Variants in RAB11FIP4 observed in about 807,000 individuals in gnomAD.
RAB11FIP4 encodes rab11 family-interacting protein 4.
In RAB11FIP4, 23 loss-of-function variants were observed where a neutral mutation model predicts 74.3. That is an observed-to-expected ratio of 0.31 (90% confidence interval 0.22 to 0.44). RAB11FIP4 has a LOEUF of 0.44. Among genes scored for constraint, RAB11FIP4 ranks in the 20% least tolerant of loss-of-function variants. The pLI, the probability that RAB11FIP4 is intolerant of heterozygous loss-of-function variation, is 1.00. For synonymous variants in RAB11FIP4, 360 were observed against 359.9 expected, an observed-to-expected ratio of 1.00 and a Z score of 0.00; for missense variants, 630 against 863.9, an observed-to-expected ratio of 0.73 and a Z score of 3.39.
chr17:31,503,606 C>G (rs2072261554), intron 3 of RAB11FIP4, among the ~76,000 whole-genome samples: 1 of 149,680 alleles, frequency 6.7e-6, no homozygotes, highest in Admixed American at 6.6e-5. Flanking sequence ...TATTTGGAAA[C>G]ATTTCTAGGA....
At chr17:31,481,892 G>A (rs755742725) in intron 3 of RAB11FIP4, among the ~76,000 whole-genome samples, 13 of 152,132 alleles carry the variant, frequency 8.5e-5, no homozygotes, top group African/African-American at 1.2e-4. Flanking sequence ...GTCCCACCCC[G>A]TCTGCACAGC....
At chr17:31,399,283 ATG>A (rs1307443995) in intron 1 of RAB11FIP4, among the ~76,000 whole-genome samples, 3 of 152,350 alleles carry the variant, frequency 2.0e-5, no homozygotes, top group African/African-American at 7.2e-5. Context: ...TGGCCTGGAA[ATG>A]GCATATGGCT....
chr17:31,413,864 A>G (rs571011366), intron 1 of RAB11FIP4, among the ~76,000 whole-genome samples: 25 of 152,322 alleles, frequency 1.6e-4, no homozygotes, highest in African/African-American at 6.0e-4. Flanking sequence ...TTTTTCCCCG[A>G]AGTTTAAAAA....
chr17:31,496,544 C>G (rs932497183), intron 3 of RAB11FIP4, among the ~76,000 whole-genome samples: 1 of 152,234 alleles, frequency 6.6e-6, no homozygotes, highest in African/African-American at 2.4e-5. Context: ...CCTCGTCCTT[C>G]TCCCCCTTTG....
intron 1 of RAB11FIP4, among the ~76,000 whole-genome samples, chr17:31,404,647 A>AT (rs1293488565): frequency 1.3e-5 from 2 of 152,050 alleles, no homozygotes; most frequent in Non-Finnish European, 2.9e-5. Flanking sequence ...TCTTTTACAG[A>AT]TTTTTTGAGG....
chr17:31,441,241 G>A (rs2071404829), intron 3 of RAB11FIP4, among the ~76,000 whole-genome samples: 1 of 152,092 alleles, frequency 6.6e-6, no homozygotes, highest in Non-Finnish European at 1.5e-5. Context: ...GGCCAGGCTG[G>A]TCTCAAACTC....
At chr17:31,517,144 G>GT (rs1489684745) in intron 3 of RAB11FIP4, among the ~76,000 whole-genome samples, 2 of 141,864 alleles carry the variant, frequency 1.4e-5, no homozygotes, top group Non-Finnish European at 3.1e-5. Flanking sequence ...GATACTCTCA[G>GT]TTTTTCATCT....
intron 1 of RAB11FIP4, among the ~76,000 whole-genome samples, chr17:31,409,801 A>G (rs1300327294): frequency 1.3e-5 from 2 of 152,178 alleles, no homozygotes; most frequent in Non-Finnish European, 1.5e-5. Context: ...GGGTGAGTAA[A>G]CAAATAGAGT....
chr17:31,426,599 CTTTTTTTTTTT>C (rs59839758), intron 1 of RAB11FIP4, among the ~76,000 whole-genome samples: 1 of 122,062 alleles, frequency 8.2e-6, no homozygotes, highest in Non-Finnish European at 1.6e-5. Flanking sequence ...TTTTCTTTTC[CTTTTTTTTTTT>C]TTTTTGAGAC....
rs538959302 is a variant in RAB11FIP4 at position 31,515,860 on chromosome 17, G to A, written c.337-1791G>A. ...TCTAGGGCCAACTCTGAACCAGGCCGAAGCTCTTCTATCTGATGATTTAAC... is the reference window on the plus strand; with the variant it reads ...TCTAGGGCCAACTCTGAACCAGGCCAAAGCTCTTCTATCTGATGATTTAAC... On this transcript the variant is annotated intron_variant, in intron 3 of 14. Transcript: ENST00000621161. 5.9e-5 allele frequency among the ~76,000 whole-genome samples: 9 copies of A among 152,248 alleles called. No homozygotes were observed. In the South Asian group the frequency reaches 1.4e-3, roughly 25 times the overall value.
Position 31,517,855 on chromosome 17 carries a change from G to A in RAB11FIP4, c.541G>A (p.Gly181Ser). 6.4e-7 allele frequency: 1 copy of A among 1,551,594 alleles called. No homozygotes were observed. The highest frequency in any genetic ancestry group is 8.7e-7 in the Non-Finnish European group (1 of 1,146,988). Residue 181 changes from glycine to serine, a missense_variant, in exon 4 of 15, where the codon GGC (glycine) becomes AGC (serine). Physicochemically the swap from Gly to Ser is moderately conservative, Grantham distance 56 (BLOSUM62 0). Transcript: ENST00000621161. ...SPAEKDGGLG[G>S]LFLPEDKSLV... is the part of the protein sequence containing the mutation. ...TGCCGAGAAGGACGGGGGACTTGGG[G>A]GCCTGTTTCTGCCAGAAGACAAGTG...
Position 31,517,843 on chromosome 17 carries a change from G to C in RAB11FIP4, c.529G>C (p.Gly177Arg), listed in dbSNP as rs373757278. 3 of 1,551,480 alleles carry C rather than the reference G, an allele frequency of 1.9e-6. No homozygotes were observed. In the African/African-American group the frequency reaches 4.1e-5, roughly 21 times the overall value. ...TGTCGGGAGTCCTGCCGAGAAGGAC[G>C]GGGGACTTGGGGGCCTGTTTCTGCC... ...GSVGSPAEKD[G>R]GLGGLFLPED... Residue 177 changes from glycine to arginine, a missense_variant, in exon 4 of 15, where the codon GGG (glycine) becomes CGG (arginine). Physicochemically the swap from Gly to Arg is moderately radical, Grantham distance 125. Transcript: ENST00000621161.
At chr17:31,511,795 A>G (rs1235900465) in intron 3 of RAB11FIP4, among the ~76,000 whole-genome samples, 1 of 152,176 alleles carries the variant, frequency 6.6e-6, no homozygotes, top group Non-Finnish European at 1.5e-5. Flanking sequence ...ACGTGTATTG[A>G]TACTTGGCCT....
chr17:31,488,051 A>C (rs896613021), intron 3 of RAB11FIP4: 11 of 1,014,916 alleles, frequency 1.1e-5, no homozygotes, highest in Non-Finnish European at 1.3e-5. Context: ...TGATACAAAG[A>C]GCCCTTCGGC....
chr17:31,522,310 G>T (rs1401886766), intron 6 of RAB11FIP4, 50 bp from the exon 7 acceptor site: 1 of 1,582,796 alleles, frequency 6.3e-7, no homozygotes, highest in Admixed American at 1.7e-5. Flanking sequence ...CAGAGTAAGG[G>T]AGTGGACTAG....
chr17:31,434,158 C>G, intron 3 of RAB11FIP4, 36 bp downstream of exon 3: 1 of 1,489,988 alleles, frequency 6.7e-7, no homozygotes. Flanking sequence ...CTCCATGGCT[C>G]TGCCTCCTCC....
At chr17:31,504,657 T>G (rs1265780183) in intron 3 of RAB11FIP4, among the ~76,000 whole-genome samples, 1 of 152,212 alleles carries the variant, frequency 6.6e-6, no homozygotes, top group African/African-American at 2.4e-5. Flanking sequence ...GACATTTTCC[T>G]TCACAACTAT....
chr17:31,508,055 T>A (rs1343022058), intron 3 of RAB11FIP4, among the ~76,000 whole-genome samples: 1 of 152,208 alleles, frequency 6.6e-6, no homozygotes, highest in Non-Finnish European at 1.5e-5. Context: ...TTCAAACTCC[T>A]GGGCTCAAGT....
chr17:31,431,934 C>G (rs374973229), intron 2 of RAB11FIP4, 34 bp downstream of exon 2: 264 of 1,494,908 alleles, frequency 1.8e-4, no homozygotes, highest in Non-Finnish European at 2.4e-4. Context: ...CCCAGGCGCT[C>G]TCCGGTCCTG....
Sources: gnomAD v4.1 joint callset for allele counts (sites outside exome capture counted in the v4.1 genomes callset) on GRCh38, gnomAD v4.1.1 for gene constraint, MANE v1.5 for transcripts, NCBI Gene and HGNC (gene_info 2026-07-23, HGNC 2026-07-21) for gene names.